LHFPL2: variants seen among roughly 807,000 people sequenced by gnomAD.
The protein encoded by LHFPL2 is LHFPL tetraspan subfamily member 2 protein.
Under a neutral mutation model 17.5 loss-of-function variants are expected in LHFPL2, and 7 were observed. That is an observed-to-expected ratio of 0.40 (90% confidence interval 0.23 to 0.75). The LOEUF (loss-of-function observed/expected upper bound fraction) is 0.75, where lower values mean the gene tolerates loss of function less well. Among genes scored for constraint, LHFPL2 ranks in the 30% least tolerant of loss-of-function variants. The pLI, the probability that LHFPL2 is intolerant of heterozygous loss-of-function variation, is 0.37. For synonymous variants in LHFPL2, 134 were observed against 116.2 expected (o/e 1.15, Z -0.99); for missense variants, 241 against 294.8 (o/e 0.82, Z 1.34).
At chr5:78,493,021 C>T (rs1754497589) in intron 4 of LHFPL2, among the ~76,000 whole-genome samples, 2 of 152,208 alleles carry the variant, frequency 1.3e-5, no homozygotes, top group African/African-American at 4.8e-5. Flanking sequence ...CCAGGCTCTG[C>T]CCTCTATGAT....
At chr5:78,575,892 T>C (rs1757119158) in intron 2 of LHFPL2, among the ~76,000 whole-genome samples, 1 of 152,242 alleles carries the variant, frequency 6.6e-6, no homozygotes, top group African/African-American at 2.4e-5. Flanking sequence ...CTAATTTAAA[T>C]TTGTAAAACT....
chr5:78,496,880 C>T (rs1754624175), intron 4 of LHFPL2, among the ~76,000 whole-genome samples: 6 of 152,158 alleles, frequency 3.9e-5, no homozygotes, highest in Admixed American at 3.9e-4. Context: ...ACTCCTTGGT[C>T]CTCTTCCCTA....
intron 3 of LHFPL2, among the ~76,000 whole-genome samples, chr5:78,535,248 T>C (rs7709066): frequency 0.43 from 64,668 of 152,058 alleles, 13,907 homozygotes; most frequent in Middle Eastern, 0.49. Flanking sequence ...GGCACTACGC[T>C]GAGCGCCCAC....
intron 4 of LHFPL2, among the ~76,000 whole-genome samples, chr5:78,489,960 G>C (rs1181563442): frequency 6.6e-6 from 1 of 152,208 alleles, no homozygotes; most frequent in Admixed American, 6.5e-5. Context: ...ATGTCAACCT[G>C]ATTAAATGCA....
At chr5:78,609,476 AGAG>A (rs1336104719) in intron 2 of LHFPL2, among the ~76,000 whole-genome samples, 2 of 140,812 alleles carry the variant, frequency 1.4e-5, no homozygotes, top group East Asian at 4.1e-4. Flanking sequence ...AAAAAAAAAA[AGAG>A]AGAGAGCTTG....
At position 78,488,720 on chromosome 5, in the gene LHFPL2, G is replaced by A. The variant is rs558957894; in HGVS notation, c.*177C>T. ...TTCCTTATAATGTGCACTGCAGACC[G>A]CATGTCCAGTAACTTTGCGTAGCTG... is the stretch of plus-strand genomic sequence containing the variant. On this transcript the variant is annotated 3_prime_UTR_variant, in exon 5 of 5. Transcript: ENST00000380345. 6 of 662,208 alleles carry A rather than the reference G, an allele frequency of 9.1e-6. No homozygotes were observed. Among genetic ancestry groups the A allele is most frequent in the Admixed American group, 2.6e-5 (1 of 37,924 alleles). The allele number at this position is 662,208 out of a possible 1,614,324, so 41.0% of individuals were successfully genotyped here.
chr5:78,584,541 C>G (rs184105637), intron 2 of LHFPL2, among the ~76,000 whole-genome samples: 2,450 of 152,154 alleles, frequency 0.016, 72 homozygotes, highest in African/African-American at 0.056. Flanking sequence ...AGTACCGGGC[C>G]GTGTGAGGTG....
intron 2 of LHFPL2, among the ~76,000 whole-genome samples, chr5:78,610,856 A>G (rs1744400827): frequency 6.6e-6 from 1 of 152,002 alleles, no homozygotes; most frequent in African/African-American, 2.4e-5. Flanking sequence ...GGACTGAACC[A>G]ATATTCTGAC....
chr5:78,486,456 C>G lies in LHFPL2; in HGVS notation c.*2441G>C, dbSNP rs1237966822. 1 of 152,188 alleles carries G rather than the reference C, an allele frequency of 6.6e-6. No individual in the cohort carries two copies. Among genetic ancestry groups the G allele is most frequent in the South Asian group, 2.1e-4 (1 of 4,832 alleles). The allele number at this position is 152,188 out of a possible 1,614,324, so 9.4% of individuals were successfully genotyped here. A position where few individuals can be genotyped will look rare whatever the true frequency, so the allele number is the denominator to read the frequency against. Reference sequence around the variant, plus strand: ...TTCTTTCTAGCATATTCCTCATACCCAGTGGTTTTTAAACAGCTGTGTGGA... The same window carrying G: ...TTCTTTCTAGCATATTCCTCATACCGAGTGGTTTTTAAACAGCTGTGTGGA... On this transcript the variant is annotated 3_prime_UTR_variant, in exon 5 of 5. Coordinates refer to ENST00000380345, the MANE Select transcript of LHFPL2 (RefSeq NM_005779.3).
Position 78,585,011 on chromosome 5 carries a change from T to G in LHFPL2, c.-244-20140A>C, listed in dbSNP as rs985726944. Among the ~76,000 whole-genome samples the G allele has an allele frequency of 7.3e-5, 4 of 54,546 alleles. 1 individual carries two copies. The highest frequency in any genetic ancestry group is 1.5e-4 in the Non-Finnish European group (3 of 20,178). The allele number at this position is 54,546 out of a possible 152,430, so 35.8% of individuals were successfully genotyped here. On this transcript the variant is annotated intron_variant, in intron 2 of 4. Coordinates refer to ENST00000380345, the MANE Select transcript of LHFPL2 (RefSeq NM_005779.3). ...GTGCGCTGTGTTTTTTTTTTTTTTT[T>G]TTTTTTTTTTTTTGAGACGGAGTCT...
intron 3 of LHFPL2, among the ~76,000 whole-genome samples, chr5:78,542,398 G>T (rs1756140166): frequency 6.6e-6 from 1 of 152,178 alleles, no homozygotes; most frequent in South Asian, 2.1e-4. Flanking sequence ...AGCAAAGGCT[G>T]CTTGTAAATG....
intron 3 of LHFPL2, among the ~76,000 whole-genome samples, chr5:78,549,642 A>G (rs982711206): frequency 2.6e-5 from 4 of 152,202 alleles, no homozygotes; most frequent in Non-Finnish European, 4.4e-5. Context: ...ATTTTCTTTC[A>G]TCAGGAGTAA....
chr5:78,582,091 G>A (rs545848117), intron 2 of LHFPL2, among the ~76,000 whole-genome samples: 1 of 152,338 alleles, frequency 6.6e-6, no homozygotes, highest in South Asian at 2.1e-4. Flanking sequence ...GATGTTTGTA[G>A]TATTCTCTGA....
At chr5:78,593,794 T>C (rs569247103) in intron 2 of LHFPL2, among the ~76,000 whole-genome samples, 2 of 152,126 alleles carry the variant, frequency 1.3e-5, no homozygotes, top group Admixed American at 6.5e-5. Flanking sequence ...ACCAATTGTC[T>C]ATGAAGGCCT....
At chr5:78,633,062 T>A (rs1354621860) in intron 1 of LHFPL2, among the ~76,000 whole-genome samples, 6 of 152,174 alleles carry the variant, frequency 3.9e-5, no homozygotes, top group Non-Finnish European at 7.3e-5. Flanking sequence ...CGACTGGACC[T>A]TAAGGCTAAT....
intron 3 of LHFPL2, among the ~76,000 whole-genome samples, chr5:78,523,452 G>T (rs529093777): frequency 6.6e-6 from 1 of 152,256 alleles, no homozygotes; most frequent in African/African-American, 2.4e-5. Context: ...GGTAGAAGAA[G>T]GCGGGAGGAC....
At chr5:78,491,984 A>G (rs1345895679) in intron 4 of LHFPL2, among the ~76,000 whole-genome samples, 1 of 152,156 alleles carries the variant, frequency 6.6e-6, no homozygotes, top group Non-Finnish European at 1.5e-5. Context: ...GATTTAACCA[A>G]TTCTTAAATA....
At chr5:78,517,822 G>T (rs1003463061) in intron 3 of LHFPL2, among the ~76,000 whole-genome samples, 1 of 152,188 alleles carries the variant, frequency 6.6e-6, no homozygotes, top group African/African-American at 2.4e-5. Context: ...GCCAGAGACG[G>T]AAGGTCCACT....
At chr5:78,520,789 A>G (rs964687667) in intron 3 of LHFPL2, among the ~76,000 whole-genome samples, 1 of 151,030 alleles carries the variant, frequency 6.6e-6, no homozygotes, top group Non-Finnish European at 1.5e-5. Context: ...AGCATTTCCC[A>G]CTACGGTCTT....
Sources: allele counts gnomAD v4.1 joint callset (sites outside exome capture counted in the v4.1 genomes callset), GRCh38; gene constraint gnomAD v4.1.1; transcripts MANE v1.5; gene names NCBI Gene and HGNC (gene_info 2026-07-23, HGNC 2026-07-21).